RGS6: variants seen among roughly 807,000 people sequenced by gnomAD.
RGS6 encodes regulator of G-protein signaling 6.
Under a neutral mutation model 78.5 loss-of-function variants are expected in RGS6, and 30 were observed. The ratio of observed to expected loss-of-function variants is 0.38; its 90% CI spans 0.29 to 0.52. The LOEUF is 0.52. Ranked by LOEUF, RGS6 falls within the 20% of genes least tolerant of loss-of-function variation. The pLI is 0.85. For synonymous variants in RGS6, 206 were observed against 206.0 expected (o/e 1.00, Z 0.00); for missense variants, 495 against 609.7 (o/e 0.81, Z 1.98).
At chr14:71,978,901 T>C (rs1402069418) in intron 2 of RGS6, among the ~76,000 whole-genome samples, 3 of 144,602 alleles carry the variant, frequency 2.1e-5, no homozygotes, top group Non-Finnish European at 3.1e-5. Flanking sequence ...CCTGGACTCT[T>C]TTTGGTTGGT....
At chr14:72,242,948 A>C (rs1452874556) in intron 2 of RGS6, among the ~76,000 whole-genome samples, 1 of 142,810 alleles carries the variant, frequency 7.0e-6, no homozygotes, top group Non-Finnish European at 1.5e-5. Context: ...TCCTGGGTTC[A>C]AGCAGTTCTC....
chr14:72,616,106 C>T, the RGS6 span, among the ~76,000 whole-genome samples: 2 of 152,304 alleles, frequency 1.3e-5, no homozygotes, highest in East Asian at 3.9e-4. Flanking sequence ...AGGATCTTTA[C>T]CAATGTCACC....
chr14:72,339,061 G>A (rs537766070), intron 2 of RGS6, among the ~76,000 whole-genome samples: 15 of 152,140 alleles, frequency 9.9e-5, no homozygotes, highest in Non-Finnish European at 1.8e-4. Context: ...AGATATTTTG[G>A]TAAATATCAC....
intron 2 of RGS6, among the ~76,000 whole-genome samples, chr14:72,071,116 G>A (rs1184285374): frequency 6.6e-6 from 1 of 151,938 alleles, no homozygotes; most frequent in African/African-American, 2.4e-5. Flanking sequence ...AATAAACAAT[G>A]TATTCTTTAG....
At chr14:71,954,037 C>G (rs1036132065) in intron 1 of RGS6, among the ~76,000 whole-genome samples, 3 of 117,500 alleles carry the variant, frequency 2.6e-5, no homozygotes, top group Admixed American at 1.2e-4. Flanking sequence ...TGCATGGCTT[C>G]TGTAATTCTT....
the RGS6 span, among the ~76,000 whole-genome samples, chr14:71,913,452 G>C: frequency 6.6e-6 from 1 of 152,268 alleles, no homozygotes; most frequent in African/African-American, 2.4e-5. Flanking sequence ...GGCTCTCACG[G>C]TCTTAGGTTA....
chr14:72,466,553 T>C (rs1376498677), intron 7 of RGS6, among the ~76,000 whole-genome samples: 1 of 152,180 alleles, frequency 6.6e-6, no homozygotes, highest in African/African-American at 2.4e-5. Flanking sequence ...TACTATGCAG[T>C]AAAAAGGAAT....
At chr14:72,467,486 C>G (rs2095950235) in intron 7 of RGS6, among the ~76,000 whole-genome samples, 1 of 152,112 alleles carries the variant, frequency 6.6e-6, no homozygotes, top group African/African-American at 2.4e-5. Flanking sequence ...CCAAGCCTAC[C>G]AAGCCTACCA....
intron 2 of RGS6, among the ~76,000 whole-genome samples, chr14:72,269,543 T>G (rs968364928): frequency 3.2e-4 from 48 of 151,050 alleles, no homozygotes; most frequent in Non-Finnish European, 4.9e-4. Context: ...TACTGAAATG[T>G]TTTTACAGTG....
chr14:72,550,153 T>A (rs2097482635), intron 17 of RGS6, among the ~76,000 whole-genome samples: 1 of 152,182 alleles, frequency 6.6e-6, no homozygotes, highest in Non-Finnish European at 1.5e-5. Context: ...GCTTTCAAAT[T>A]CTTTGAGGCC....
At chr14:72,325,324 G>GT (rs2073424014) in intron 2 of RGS6, among the ~76,000 whole-genome samples, 1 of 152,154 alleles carries the variant, frequency 6.6e-6, no homozygotes, top group Non-Finnish European at 1.5e-5. Flanking sequence ...TCTGATGGTA[G>GT]TTTCTTTTAC....
intron 2 of RGS6, among the ~76,000 whole-genome samples, chr14:72,046,350 T>C (rs1352103935): frequency 3.3e-5 from 5 of 152,218 alleles, no homozygotes. Context: ...TTTAATCTTA[T>C]GTTTGGCAGC....
intron 2 of RGS6, among the ~76,000 whole-genome samples, chr14:72,031,480 C>A (rs4899417): frequency 0.044 from 6,651 of 152,102 alleles, 181 homozygotes; most frequent in African/African-American, 0.078. Context: ...TATTTAGATG[C>A]TTGTGGTAAC....
intron 2 of RGS6, among the ~76,000 whole-genome samples, chr14:72,341,885 G>T (rs2077078325): frequency 6.7e-6 from 1 of 150,296 alleles, no homozygotes; most frequent in African/African-American, 2.5e-5. Context: ...TGTCCTTGGG[G>T]TCAGAGGGAG....
chr14:72,368,603 C>T lies in RGS6; in HGVS notation c.184+16409C>T, dbSNP rs1358568240. 3.9e-5 allele frequency among the ~76,000 whole-genome samples: 6 copies of T among 152,178 alleles called. No homozygotes were observed. In the South Asian group the frequency reaches 6.2e-4, roughly 16 times the overall value. The stretch of plus-strand genomic sequence containing the variant: ...GAAACTTTTTTTATAATGAACTTCC[C>T]TGCCTCCCTCTTGCTTCAATTCATT... On this transcript the variant is annotated intron_variant, in intron 3 of 17. Coordinates refer to ENST00000553525, the MANE Select transcript of RGS6 (RefSeq NM_001204424.2).
chr14:72,526,733 A>G (rs911671393), intron 15 of RGS6, among the ~76,000 whole-genome samples: 2 of 150,468 alleles, frequency 1.3e-5, no homozygotes, highest in Admixed American at 1.3e-4. Flanking sequence ...TCATCCAAAG[A>G]TACATCCAGA....
At chr14:71,920,374 G>A in the RGS6 span, among the ~76,000 whole-genome samples, 3 of 152,192 alleles carry the variant, frequency 2.0e-5, no homozygotes, top group Non-Finnish European at 2.9e-5. Context: ...GGAGAGTTGT[G>A]TTGTCCCCAT....
At chr14:72,220,002 A>G (rs944214970) in intron 2 of RGS6, among the ~76,000 whole-genome samples, 1 of 152,182 alleles carries the variant, frequency 6.6e-6, no homozygotes, top group Non-Finnish European at 1.5e-5. Flanking sequence ...TCTCTGCCCA[A>G]AAGCTCCCTG....
intron 2 of RGS6, among the ~76,000 whole-genome samples, chr14:72,312,766 A>C (rs775454863): frequency 6.6e-5 from 10 of 152,212 alleles, no homozygotes; most frequent in Non-Finnish European, 8.8e-5. Context: ...AGAGTGTGAC[A>C]CATAAGTAGC....
Sources: gnomAD v4.1 joint callset for allele counts (sites outside exome capture counted in the v4.1 genomes callset) on GRCh38, gnomAD v4.1.1 for gene constraint, MANE v1.5 for transcripts, NCBI Gene and HGNC (gene_info 2026-07-23, HGNC 2026-07-21) for gene names.